The following DDR2 variants were observed in gnomAD, a reference collection of about 807,000 sequenced individuals.
The protein encoded by DDR2 is discoidin domain-containing receptor 2.
DDR2 carries 27 observed loss-of-function variants against 94.9 expected under a neutral mutation model. That is an observed-to-expected ratio of 0.28 (90% confidence interval 0.21 to 0.39). The LOEUF is 0.39. Ranked by LOEUF, DDR2 falls within the 10% of genes least tolerant of loss-of-function variation. The pLI is 1.00. For synonymous variants in DDR2, 382 were observed against 377.2 expected (o/e 1.01, Z -0.15); for missense variants, 783 against 1,076.0 (o/e 0.73, Z 3.81).
rs754168055 is a variant in DDR2 at position 162,775,764 on chromosome 1, A to T, written c.1969A>T (p.Met657Leu). The T allele has an allele frequency of 4.3e-6, 7 of 1,614,040 alleles. No homozygotes were observed. The Admixed American group carries it at 1.2e-4, about 27-fold the overall frequency. Reference sequence around the variant, plus strand: ...CCCTCTCTGTATGATCACTGAATACATGGAGAATGGAGATCTCAATCAGTT... The same window carrying T: ...CCCTCTCTGTATGATCACTGAATACTTGGAGAATGGAGATCTCAATCAGTT... ...DDPLCMITEY[M>L]ENGDLNQFLS... The change falls in exon 15 of 18, where the codon ATG (methionine) becomes TTG (leucine). Residue 657 changes from methionine to leucine, a missense_variant. Physicochemically the swap from Met to Leu is conservative, Grantham distance 15. Coordinates refer to ENST00000367921, the MANE Select transcript of DDR2 (RefSeq NM_006182.4).
At chr1:162,718,905 C>T in intron 2 of DDR2, 132 bp from the exon 3 acceptor site, 1 of 838,668 alleles carries the variant, frequency 1.2e-6, no homozygotes, top group Non-Finnish European at 2.0e-6. Context: ...TTCGAAGTCC[C>T]ATATATAAAA....
chr1:162,741,317 T>A (rs867186168), intron 3 of DDR2, among the ~76,000 whole-genome samples: 2 of 131,308 alleles, frequency 1.5e-5, no homozygotes, highest in East Asian at 4.5e-4. Flanking sequence ...TATAATATAA[T>A]ATAAATTTAC....
At chr1:162,761,952 T>A (rs1449598352) in intron 9 of DDR2, among the ~76,000 whole-genome samples, 2 of 152,214 alleles carry the variant, frequency 1.3e-5, no homozygotes, top group Non-Finnish European at 2.9e-5. Flanking sequence ...AGCAAATAAT[T>A]GGACTGCATC....
Position 162,775,659 on chromosome 1 carries a change from T to A in DDR2, c.1864T>A (p.Phe622Ile), listed in dbSNP as rs2102195212. ...ADANKNARND[F>I]LKEIKIMSRL... ...TGTCTGTATCCTCCCAAGGAATGAT[T>A]TTCTTAAGGAGATAAAGATCATGTC... is the stretch of plus-strand genomic sequence containing the variant. Residue 622 changes from phenylalanine (F) to isoleucine (I), a missense_variant, in exon 15 of 18, where the codon TTT becomes ATT. Physicochemically the swap from Phe to Ile is conservative, Grantham distance 21. Coordinates refer to ENST00000367921, the MANE Select transcript of DDR2 (RefSeq NM_006182.4). 2 of 1,614,020 alleles carry A rather than the reference T, an allele frequency of 1.2e-6. No individual in the cohort carries two copies. The highest frequency in any genetic ancestry group is 1.7e-6 in the Non-Finnish European group (2 of 1,179,948).
intron 1 of DDR2, among the ~76,000 whole-genome samples, chr1:162,652,118 G>A (rs544601188): frequency 6.6e-6 from 1 of 152,282 alleles, no homozygotes; most frequent in South Asian, 2.1e-4. Flanking sequence ...GGCTGCTTGG[G>A]GAATTTAGTT....
At chr1:162,763,435 G>A (rs976268253) in intron 9 of DDR2, among the ~76,000 whole-genome samples, 8 of 138,152 alleles carry the variant, frequency 5.8e-5, no homozygotes, top group African/African-American at 1.6e-4. Flanking sequence ...CCAACCTCAG[G>A]CGATCCAGCC....
intron 2 of DDR2, among the ~76,000 whole-genome samples, chr1:162,689,258 G>T (rs1007216722): frequency 6.6e-6 from 1 of 152,200 alleles, no homozygotes; most frequent in African/African-American, 2.4e-5. Flanking sequence ...ATTGTGTGAG[G>T]TGATGGTTAA....
chr1:162,652,079 G>C (rs1657720187), intron 1 of DDR2, among the ~76,000 whole-genome samples: 1 of 152,204 alleles, frequency 6.6e-6, no homozygotes, highest in Non-Finnish European at 1.5e-5. Flanking sequence ...GACAGACTTG[G>C]TTTGGAATTC....
At chr1:162,709,014 C>T (rs923994801) in intron 2 of DDR2, among the ~76,000 whole-genome samples, 3 of 152,184 alleles carry the variant, frequency 2.0e-5, no homozygotes, top group African/African-American at 7.2e-5. Context: ...ACACTTCTTA[C>T]ATGTTAACTC....
At chr1:162,681,846 G>A (rs1284438825) in intron 2 of DDR2, among the ~76,000 whole-genome samples, 2 of 152,184 alleles carry the variant, frequency 1.3e-5, no homozygotes, top group African/African-American at 4.8e-5. Flanking sequence ...GTTTATAGCA[G>A]AGAGTGTATG....
chr1:162,778,579 G>C lies in DDR2; in HGVS notation c.2284-1G>C, dbSNP rs2102205871. 1 of 1,613,950 alleles carries C rather than the reference G, an allele frequency of 6.2e-7. No individual in the cohort carries two copies. The highest frequency in any genetic ancestry group is 8.5e-7 in the Non-Finnish European group (1 of 1,179,872). ...TCCCATTCTTTTCTTTACTTAAATAGGGCAAGTTCACTACAGCAAGTGATG... is the reference window on the plus strand; with the variant it reads ...TCCCATTCTTTTCTTTACTTAAATACGGCAAGTTCACTACAGCAAGTGATG... On this transcript the variant is annotated splice_acceptor_variant, in intron 16 of 17. Transcript: ENST00000367921. LOFTEE classifies it high-confidence loss of function.
chr1:162,691,673 A>G (rs10917587), intron 2 of DDR2, among the ~76,000 whole-genome samples: 13,044 of 152,192 alleles, frequency 0.086, 759 homozygotes, highest in Middle Eastern at 0.14. Flanking sequence ...CCATTGAGTA[A>G]ATACTCTTGC....
At chr1:162,751,552 G>A (rs1250831510) in intron 3 of DDR2, among the ~76,000 whole-genome samples, 1 of 152,194 alleles carries the variant, frequency 6.6e-6, no homozygotes, top group Non-Finnish European at 1.5e-5. Context: ...GTTGGTGGGA[G>A]TGTAAACTAG....
intron 2 of DDR2, among the ~76,000 whole-genome samples, chr1:162,708,368 G>T (rs542802563): frequency 1.1e-3 from 174 of 152,288 alleles, no homozygotes; most frequent in African/African-American, 3.8e-3. Flanking sequence ...TGTTGATTGG[G>T]CCTGCACTAA....
intron 14 of DDR2, among the ~76,000 whole-genome samples, chr1:162,774,525 T>C (rs1049962894): frequency 1.3e-4 from 20 of 152,146 alleles, no homozygotes; most frequent in Admixed American, 6.5e-5. Context: ...TTTAGAAATT[T>C]AACTGATAAT....
chr1:162,703,791 A>G (rs1660535000), intron 2 of DDR2, among the ~76,000 whole-genome samples: 1 of 151,924 alleles, frequency 6.6e-6, no homozygotes, highest in South Asian at 2.1e-4. Context: ...CGTCTAATGG[A>G]TTTTTCCCCA....
intron 2 of DDR2, among the ~76,000 whole-genome samples, chr1:162,707,092 C>G (rs1660697404): frequency 6.6e-6 from 1 of 152,098 alleles, no homozygotes; most frequent in Admixed American, 6.5e-5. Context: ...GGGATTCAGG[C>G]AGGAACTCCT....
chr1:162,631,187 TGTGTGTGTG>T (rs1557992970), upstream of DDR2, among the ~76,000 whole-genome samples: 24 of 22,980 alleles, frequency 1.0e-3, no homozygotes, highest in African/African-American at 2.3e-3. Context: ...CCTCATTGTG[TGTGTGTGTG>T]TGTGTGTGTG....
chr1:162,652,847 C>G (rs956040361), intron 1 of DDR2, among the ~76,000 whole-genome samples: 11 of 152,066 alleles, frequency 7.2e-5, no homozygotes, highest in Non-Finnish European at 1.5e-4. Flanking sequence ...GCTTACACCT[C>G]TAATCCCAGC....
Sources: gnomAD v4.1 joint callset for allele counts (sites outside exome capture counted in the v4.1 genomes callset) on GRCh38, gnomAD v4.1.1 for gene constraint, MANE v1.5 for transcripts, NCBI Gene and HGNC (gene_info 2026-07-23, HGNC 2026-07-21) for gene names.